MARCHF1: variants seen among roughly 807,000 people sequenced by gnomAD.
MARCHF1 encodes membrane associated ring-CH-type finger 1, also known as E3 ubiquitin-protein ligase MARCHF1.
Under a neutral mutation model 54.2 loss-of-function variants are expected in MARCHF1, and 40 were observed. The ratio of observed to expected loss-of-function variants is 0.74; its 90% CI spans 0.57 to 0.96. The LOEUF (loss-of-function observed/expected upper bound fraction) is 0.96, where lower values mean the gene tolerates loss of function less well. Among genes scored for constraint, MARCHF1 ranks in the 40% least tolerant of loss-of-function variants. The pLI is 0.00. For synonymous variants in MARCHF1, 236 were observed against 236.3 expected, an observed-to-expected ratio of 1.00 and a Z score of 0.01; for missense variants, 586 against 656.5, an observed-to-expected ratio of 0.89 and a Z score of 1.17.
At chr4:163,918,998 T>C (rs552246903) in intron 3 of MARCHF1, among the ~76,000 whole-genome samples, 126 of 152,260 alleles carry the variant, frequency 8.3e-4, no homozygotes, top group Middle Eastern at 3.4e-3. Context: ...GGTTTTCTCC[T>C]ATGCTTTGAA....
chr4:164,346,657 T>C (rs1730113659), intron 1 of MARCHF1, among the ~76,000 whole-genome samples: 2 of 120,148 alleles, frequency 1.7e-5, no homozygotes, highest in African/African-American at 3.4e-5. Flanking sequence ...TATATATATA[T>C]ATATATATAT....
intron 5 of MARCHF1, among the ~76,000 whole-genome samples, chr4:163,667,639 T>C (rs115346327): frequency 1.3e-5 from 2 of 152,014 alleles, no homozygotes; most frequent in South Asian, 2.1e-4. Flanking sequence ...ACTTTTTTTT[T>C]TTTTGAGATG....
chr4:163,637,988 A>G (rs1742404145), intron 5 of MARCHF1, among the ~76,000 whole-genome samples: 1 of 150,572 alleles, frequency 6.6e-6, no homozygotes, highest in South Asian at 2.1e-4. Flanking sequence ...AAACTATCGC[A>G]AGAACAAAAA....
chr4:163,704,740 A>G (rs1744902714), intron 4 of MARCHF1, among the ~76,000 whole-genome samples: 1 of 151,840 alleles, frequency 6.6e-6, no homozygotes, highest in African/African-American at 2.4e-5. Context: ...CTGTATCCAG[A>G]TAACAGTTTA....
intron 1 of MARCHF1, among the ~76,000 whole-genome samples, chr4:164,274,240 T>G (rs1403641781): frequency 1.3e-5 from 2 of 152,210 alleles, no homozygotes. Flanking sequence ...GAAAATCGTA[T>G]TTTATACGTA....
intron 1 of MARCHF1, among the ~76,000 whole-genome samples, chr4:164,371,215 G>A (rs897602127): frequency 6.6e-6 from 1 of 152,034 alleles, no homozygotes; most frequent in Admixed American, 6.6e-5. Context: ...TTGTGGTGGG[G>A]GGATGGGTTA....
chr4:164,273,111 C>T (rs1168095870), intron 1 of MARCHF1, among the ~76,000 whole-genome samples: 1 of 151,056 alleles, frequency 6.6e-6, no homozygotes, highest in African/African-American at 2.4e-5. Flanking sequence ...TGTTTTCATA[C>T]TGCTATAAAG....
chr4:163,736,806 T>C (rs556755334), intron 4 of MARCHF1, among the ~76,000 whole-genome samples: 2 of 152,166 alleles, frequency 1.3e-5, no homozygotes, highest in Admixed American at 1.3e-4. Flanking sequence ...AGTCAACAGA[T>C]AGTTATTTTA....
chr4:164,099,189 G>A (rs983650863), intron 2 of MARCHF1, among the ~76,000 whole-genome samples: 1 of 152,096 alleles, frequency 6.6e-6, no homozygotes, highest in African/African-American at 2.4e-5. Context: ...AGGAGACCCA[G>A]AGAATTTCAA....
chr4:164,294,090 G>A (rs773137631), intron 1 of MARCHF1, among the ~76,000 whole-genome samples: 5 of 151,974 alleles, frequency 3.3e-5, no homozygotes, highest in East Asian at 2.0e-4. Flanking sequence ...TCCTACCCTC[G>A]ACATTGGACT....
chr4:163,604,272 T>C (rs114770123), intron 7 of MARCHF1, among the ~76,000 whole-genome samples: 2,454 of 152,218 alleles, frequency 0.016, 30 homozygotes, highest in Middle Eastern at 0.041. Flanking sequence ...CAAACTACCA[T>C]GTCCCAAACT....
intron 1 of MARCHF1, chr4:164,197,600 T>C (rs755723231): frequency 1.9e-6 from 3 of 1,613,232 alleles, no homozygotes; most frequent in East Asian, 2.2e-5. Context: ...AATTCATCTG[T>C]GAGGGCTTCG....
At chr4:163,650,647 A>G (rs961685652) in intron 5 of MARCHF1, among the ~76,000 whole-genome samples, 1 of 152,046 alleles carries the variant, frequency 6.6e-6, no homozygotes, top group African/African-American at 2.4e-5. Flanking sequence ...ATGCCAATTA[A>G]AACCTTTTCA....
In MARCHF1 at chr4:164,295,458, AC is replaced by A. The variant is rs1734387890; in HGVS notation, c.-323+88411del. ...CACACATACACACAAACACACACAC[AC>A]ACACACACAACATACACTCTGACTA... On this transcript the variant is annotated intron_variant, in intron 1 of 9. Coordinates refer to ENST00000514618, the MANE Select transcript of MARCHF1 (RefSeq NM_001394959.1). Among the ~76,000 whole-genome samples the A allele has an allele frequency of 2.0e-5, 3 of 152,184 alleles. No homozygotes were observed. In the South Asian group the frequency reaches 6.2e-4, roughly 32 times the overall value.
At chr4:163,695,099 T>C (rs572268573) in intron 5 of MARCHF1, among the ~76,000 whole-genome samples, 6 of 152,272 alleles carry the variant, frequency 3.9e-5, no homozygotes, top group Admixed American at 1.3e-4. Context: ...CAAACCAAAA[T>C]GGATCTCTCA....
At chr4:164,115,646 C>T (rs1163791135) in intron 1 of MARCHF1, among the ~76,000 whole-genome samples, 1 of 145,992 alleles carries the variant, frequency 6.8e-6, no homozygotes, top group Admixed American at 6.9e-5. Context: ...AAAAGAAATG[C>T]TAAATGTTAT....
intron 3 of MARCHF1, among the ~76,000 whole-genome samples, chr4:163,944,225 A>G (rs980384600): frequency 7.0e-6 from 1 of 142,848 alleles, no homozygotes; most frequent in Non-Finnish European, 1.5e-5. Context: ...CTCGTGATCC[A>G]CCCGCCTCAG....
chr4:164,235,898 A>C (rs1172353943), intron 1 of MARCHF1, among the ~76,000 whole-genome samples: 1 of 152,134 alleles, frequency 6.6e-6, no homozygotes, highest in Non-Finnish European at 1.5e-5. Flanking sequence ...TGAAATAAAA[A>C]ATAATAAAAA....
chr4:164,081,060 T>C (rs1193997299), intron 2 of MARCHF1, among the ~76,000 whole-genome samples: 2 of 147,664 alleles, frequency 1.4e-5, no homozygotes, highest in African/African-American at 5.0e-5. Context: ...TACAAAAAAT[T>C]AGCCGGGAGC....
Sources: allele counts gnomAD v4.1 joint callset (sites outside exome capture counted in the v4.1 genomes callset), GRCh38; gene constraint gnomAD v4.1.1; transcripts MANE v1.5; gene names NCBI Gene and HGNC (gene_info 2026-07-23, HGNC 2026-07-21).